Variants in GLO1 observed in about 807,000 individuals in gnomAD.
GLO1 encodes lactoylglutathione lyase.
GLO1 carries 28 observed loss-of-function variants against 26.0 expected under a neutral mutation model. That is an observed-to-expected ratio of 1.08 (90% CI 0.80 to 1.48). The LOEUF (loss-of-function observed/expected upper bound fraction) is 1.48, where lower values mean the gene tolerates loss of function less well. GLO1 is among the 40% of genes most tolerant of loss of function. The pLI is 0.00. For synonymous variants in GLO1, 78 were observed against 77.6 expected (o/e 1.00, Z -0.03); for missense variants, 225 against 224.8 (o/e 1.00, Z -0.01).
intron 1 of GLO1, 72 bp downstream of exon 1, chr6:38,702,899 G>C: frequency 1.2e-6 from 1 of 851,602 alleles, no homozygotes; most frequent in Non-Finnish European, 1.9e-6. Flanking sequence ...GGCGGGATGG[G>C]GTTGGATAGA....
Sources: gnomAD v4.1 joint callset for allele counts on GRCh38, gnomAD v4.1.1 for gene constraint, MANE v1.5 for transcripts, NCBI Gene and HGNC (gene_info 2026-07-23, HGNC 2026-07-21) for gene names.